TBCD: variants seen among roughly 807,000 people sequenced by gnomAD.
TBCD encodes the protein tubulin folding cofactor D, also known as tubulin-specific chaperone D.
In TBCD, 105 loss-of-function variants were observed where a neutral mutation model predicts 169.3. That is an observed-to-expected ratio of 0.62 (90% CI 0.53 to 0.73). The LOEUF (loss-of-function observed/expected upper bound fraction) is 0.73. Among genes scored for constraint, TBCD ranks in the 30% least tolerant of loss-of-function variants. The pLI, the probability that TBCD is intolerant of heterozygous loss-of-function variation, is 0.00. For synonymous variants in TBCD, 700 were observed against 643.9 expected (o/e 1.09, Z -1.32); for missense variants, 1,444 against 1,600.1 (o/e 0.90, Z 1.66).
rs1459547341 is a variant in TBCD, at chr17:82,890,124, T to TGACCCCAC, written c.1563+436_1563+443dup. Among the ~76,000 whole-genome samples the TGACCCCAC allele has an allele frequency of 1.3e-5, 2 of 152,200 alleles. No individual in the cohort carries two copies. The highest frequency in any genetic ancestry group is 6.5e-5 in the Admixed American group (1 of 15,290). Reference sequence around the variant, plus strand: ...CAGCTCCCAGAAGCTACGGACCCCATGACCCCACGACCCCACATCATGCTG... The same window carrying TGACCCCAC: ...CAGCTCCCAGAAGCTACGGACCCCATGACCCCACGACCCCACGACCCCACATCATGCTG... On this transcript the variant is annotated intron_variant, in intron 16 of 38. Transcript: ENST00000355528. The surrounding 1 kb of genome is among the most constrained non-coding windows in gnomAD (Gnocchi z 5.3).
chr17:82,777,968 G>C (rs1223052244), intron 6 of TBCD, among the ~76,000 whole-genome samples: 1 of 151,658 alleles, frequency 6.6e-6, no homozygotes, highest in African/African-American at 2.4e-5. Context: ...GTTACCGCTA[G>C]ACCAAGGAGC....
chr17:82,839,504 C>T (rs900408163), intron 13 of TBCD, among the ~76,000 whole-genome samples: 1 of 150,558 alleles, frequency 6.6e-6, no homozygotes, highest in Non-Finnish European at 1.5e-5. Flanking sequence ...TAAATTCAGC[C>T]CTAATGTACA....
chr17:82,785,963 C>T (rs1407799356), intron 7 of TBCD, among the ~76,000 whole-genome samples: 1 of 152,202 alleles, frequency 6.6e-6, no homozygotes, highest in Non-Finnish European at 1.5e-5. Flanking sequence ...GGTGAAATGA[C>T]AATGTTGGCA....
At chr17:82,818,386 A>T (rs1042761989) in intron 13 of TBCD, among the ~76,000 whole-genome samples, 35 of 152,202 alleles carry the variant, frequency 2.3e-4, no homozygotes, top group Non-Finnish European at 4.3e-4. Context: ...GACAGGGCTG[A>T]CATTTGATGA....
chr17:82,783,857 G>T (rs778938361), intron 7 of TBCD, among the ~76,000 whole-genome samples: 4 of 151,948 alleles, frequency 2.6e-5, no homozygotes, highest in Non-Finnish European at 5.9e-5. Context: ...GGGCGCGGTG[G>T]CTCATGCCTA....
chr17:82,792,190 C>T (rs2049782321), intron 7 of TBCD, among the ~76,000 whole-genome samples: 1 of 152,036 alleles, frequency 6.6e-6, no homozygotes, highest in South Asian at 2.1e-4. Flanking sequence ...CGCCTGTAGT[C>T]CCAGCGACTC....
chr17:82,899,452 C>T (rs1281205987), intron 17 of TBCD, among the ~76,000 whole-genome samples: 1 of 151,312 alleles, frequency 6.6e-6, no homozygotes, highest in East Asian at 2.0e-4. Flanking sequence ...TGGGGCCCGT[C>T]CTCAGCGTGT....
At position 82,782,907 on chromosome 17, in the gene TBCD, T is replaced by C. The variant is rs2049044687; in HGVS notation, c.771+1186T>C. Among the ~76,000 whole-genome samples, 1 of 151,180 alleles carries C rather than the reference T, an allele frequency of 6.6e-6. No individual in the cohort carries two copies. Among genetic ancestry groups the C allele is most frequent in the Non-Finnish European group, 1.5e-5 (1 of 67,774 alleles). ...CTGTCCATGGCGTTGTCTTCCTGTC[T>C]GCGGTGTCGTCTTCCTGTCCATGGC... On this transcript the variant is annotated intron_variant, in intron 7 of 38. Coordinates refer to ENST00000355528, the MANE Select transcript of TBCD (RefSeq NM_005993.5). This position sits in a 1 kb window ranked among gnomAD's most constrained non-coding sequence, Gnocchi z 5.1.
intron 20 of TBCD, among the ~76,000 whole-genome samples, chr17:82,907,350 C>T (rs1053763316): frequency 6.6e-6 from 1 of 152,168 alleles, no homozygotes; most frequent in African/African-American, 2.4e-5. Flanking sequence ...AGGGGATGCC[C>T]TAACATCCTC....
intron 13 of TBCD, among the ~76,000 whole-genome samples, chr17:82,844,343 A>G (rs1036410942): frequency 3.3e-5 from 5 of 151,902 alleles, no homozygotes; most frequent in African/African-American, 9.7e-5. Context: ...CAGGAGCGCC[A>G]TGCCATGCCT....
At position 82,835,672 on chromosome 17, in the gene TBCD, G is replaced by A. The variant is rs139482641; in HGVS notation, c.1318+20738G>A. 0.042 allele frequency among the ~76,000 whole-genome samples: 6,411 copies of A among 152,148 alleles called. 262 individuals carry two copies. Among genetic ancestry groups the A allele is most frequent in the African/African-American group, 0.11 (4,456 of 41,492 alleles). On this transcript the variant is annotated intron_variant, in intron 13 of 38. Transcript: ENST00000355528. The surrounding 1 kb of genome is among the most constrained non-coding windows in gnomAD (Gnocchi z 4.5). ...ACTCCTGACCTCAGGCGATCTGCCC[G>A]CCTCAGCCTCCCAAAGTGCTGGGAT...
chr17:82,940,568 G>A (rs1210850920), intron 37 of TBCD, among the ~76,000 whole-genome samples: 2 of 152,296 alleles, frequency 1.3e-5, no homozygotes, highest in South Asian at 2.1e-4. Context: ...CTGTGGCCTC[G>A]GAGGACAGAG....
At position 82,864,936 on chromosome 17, in the gene TBCD, G is replaced by A. The variant is rs1165115196; in HGVS notation, c.1319-5288G>A. Among the ~76,000 whole-genome samples, 4 of 146,708 alleles carry A rather than the reference G, an allele frequency of 2.7e-5. No individual in the cohort carries two copies. The highest frequency in any genetic ancestry group is 7.4e-5 in the African/African-American group (3 of 40,366). ...GCGGGGGCCTGCTTGTGTTGGGGGT[G>A]GGGCTCCTTGCCCCCCAAGGGCAGG... On this transcript the variant is annotated intron_variant, in intron 13 of 38. Coordinates refer to ENST00000355528, the MANE Select transcript of TBCD (RefSeq NM_005993.5). The surrounding 1 kb of genome is among the most constrained non-coding windows in gnomAD (Gnocchi z 6.3).
In TBCD at chr17:82,927,365, C is replaced by T. The variant is rs781456014; in HGVS notation, c.2609+42C>T. 1.2e-5 allele frequency: 19 copies of T among 1,589,558 alleles called. No individual in the cohort carries two copies. The South Asian group carries it at 1.8e-4, about 15-fold the overall frequency. On this transcript the variant is annotated intron_variant, in intron 29 of 38. Transcript: ENST00000355528. ...GGGTGAGCGCTTCTTCTGAGAAGCC[C>T]ATCTATTCCGTGGAAACTCGGAGGC...
intron 29 of TBCD, 82 bp from the exon 30 acceptor site, chr17:82,927,823 C>G: frequency 7.8e-7 from 1 of 1,276,768 alleles, no homozygotes; most frequent in East Asian, 2.4e-5. Context: ...CGAATTCACA[C>G]AGGCTGCCGG....
At chr17:82,815,897 A>T (rs924518900) in intron 13 of TBCD, among the ~76,000 whole-genome samples, 1 of 151,488 alleles carries the variant, frequency 6.6e-6, no homozygotes, top group Non-Finnish European at 1.5e-5. Context: ...TAATGTTTAG[A>T]CCTCTTTATT....
Position 82,880,927 on chromosome 17 carries a change from C to CCA in TBCD, c.1476-3218_1476-3217insCA, listed in dbSNP as rs141145974. 2.6e-5 allele frequency among the ~76,000 whole-genome samples: 4 copies of CCA among 151,950 alleles called. No individual in the cohort carries two copies. Among genetic ancestry groups the CCA allele is most frequent in the African/African-American group, 9.7e-5 (4 of 41,376 alleles). The stretch of plus-strand genomic sequence containing the variant: ...ACTTTGGATGGCTCCAGGCGGAACT[C>CCA]GGGGAAGGAGGCCGTGTACTCCCAT... On this transcript the variant is annotated intron_variant, in intron 14 of 38. Coordinates refer to ENST00000355528, the MANE Select transcript of TBCD (RefSeq NM_005993.5). This position sits in a 1 kb window ranked among gnomAD's most constrained non-coding sequence, Gnocchi z 5.0.
chr17:82,921,430 T>A, intron 24 of TBCD, 71 bp from the exon 25 acceptor site: 2 of 1,217,124 alleles, frequency 1.6e-6, no homozygotes, highest in Non-Finnish European at 2.4e-6. Context: ...TAATAGAAGC[T>A]GTTTTTGCTG....
intron 7 of TBCD, among the ~76,000 whole-genome samples, chr17:82,787,461 G>T (rs750461578): frequency 1.3e-5 from 2 of 152,258 alleles, no homozygotes; most frequent in Non-Finnish European, 2.9e-5. Flanking sequence ...CATGTGTGTT[G>T]TTTCCTTCTG....
Sources: gnomAD v4.1 joint callset for allele counts (sites outside exome capture counted in the v4.1 genomes callset) on GRCh38, gnomAD v4.1.1 for gene constraint, Gnocchi (gnomAD v3.1) non-coding constraint, MANE v1.5 for transcripts, NCBI Gene and HGNC (gene_info 2026-07-23, HGNC 2026-07-21) for gene names.